Variants in MACROD2 observed in about 807,000 individuals in gnomAD.
The protein encoded by MACROD2 is ADP-ribose glycohydrolase MACROD2.
In MACROD2, 36 loss-of-function variants were observed where a neutral mutation model predicts 70.4. The ratio of observed to expected loss-of-function variants is 0.51; its 90% CI spans 0.39 to 0.68. The LOEUF is 0.68. Ranked by LOEUF, MACROD2 falls within the 30% of genes least tolerant of loss-of-function variation. The probability of loss-of-function intolerance (pLI) is 0.00; values close to 1 mark genes in which losing one functional copy is unlikely to be tolerated. For synonymous variants in MACROD2, 172 were observed against 178.8 expected, an observed-to-expected ratio of 0.96 and a Z score of 0.30; for missense variants, 496 against 538.4, an observed-to-expected ratio of 0.92 and a Z score of 0.78.
intron 3 of MACROD2, among the ~76,000 whole-genome samples, chr20:14,345,509 AG>A (rs1254124029): frequency 6.6e-6 from 1 of 151,544 alleles, no homozygotes; most frequent in African/African-American, 2.4e-5. Context: ...TTTTATTTGA[AG>A]GTTTTTTTTT....
Position 15,706,558 on chromosome 20 carries a change from AAG to A in MACROD2, c.646-156182_646-156181del, listed in dbSNP as rs1407677913. Among the ~76,000 whole-genome samples, 4 of 152,344 alleles carry A rather than the reference AAG, an allele frequency of 2.6e-5. No homozygotes were observed. The East Asian group carries it at 5.8e-4, about 22-fold the overall frequency. ...GAAAAATGAAGGAACATAAAATAAA[AAG>A]AGAGTAATTGCATTGGTTCTGATTC... On this transcript the variant is annotated intron_variant, in intron 8 of 17. Coordinates refer to ENST00000684519, the MANE Select transcript of MACROD2 (RefSeq NM_001351661.2).
At chr20:14,247,020 A>G (rs140828348) in intron 3 of MACROD2, among the ~76,000 whole-genome samples, 7 of 152,298 alleles carry the variant, frequency 4.6e-5, no homozygotes, top group Non-Finnish European at 1.0e-4. Context: ...AAAGCATACA[A>G]AATGTCTACA....
Position 15,138,049 on chromosome 20 carries a change from CAGTT to C in MACROD2, c.419-91887_419-91884del, listed in dbSNP as rs908820313. Among the ~76,000 whole-genome samples, 7 of 152,196 alleles carry C rather than the reference CAGTT, an allele frequency of 4.6e-5. No individual in the cohort carries two copies. In the East Asian group the frequency reaches 1.4e-3, roughly 29 times the overall value. ...ATCAATATTGACTGACAATATCAAT[CAGTT>C]AGTAAAATAATTGAGTAACCCCTGT... On this transcript the variant is annotated intron_variant, in intron 5 of 17. Transcript: ENST00000684519.
chr20:14,915,455 G>A (rs2074080137), intron 5 of MACROD2, among the ~76,000 whole-genome samples: 1 of 152,198 alleles, frequency 6.6e-6, no homozygotes, highest in African/African-American at 2.4e-5. Flanking sequence ...TTAAGCTCAA[G>A]CTCAGCCCTT....
chr20:14,143,611 C>T (rs1039786944), intron 3 of MACROD2, among the ~76,000 whole-genome samples: 4 of 151,820 alleles, frequency 2.6e-5, no homozygotes, highest in Non-Finnish European at 5.9e-5. Flanking sequence ...ATTGTAAAGA[C>T]ATTTCTGACC....
intron 5 of MACROD2, among the ~76,000 whole-genome samples, chr20:14,868,188 C>CTTTTTTTTTTTTTTTTTTT (rs202237692): frequency 6.9e-6 from 1 of 144,028 alleles, no homozygotes. Context: ...TTTTTTCTTT[C>CTTTTTTTTTTTTTTTTTTT]TTTCTTTTTT....
intron 4 of MACROD2, among the ~76,000 whole-genome samples, chr20:14,583,480 ATCT>A (rs1355376726): frequency 6.6e-6 from 1 of 152,128 alleles, no homozygotes; most frequent in Non-Finnish European, 1.5e-5. Context: ...TATTGGCCTA[ATCT>A]TCTTCCCTGT....
At chr20:14,325,446 G>A (rs1434272845) in intron 3 of MACROD2, 6 of 1,153,834 alleles carry the variant, frequency 5.2e-6, no homozygotes, top group Non-Finnish European at 7.4e-6. Context: ...ACAGTACATT[G>A]CTTTTTTTCA....
intron 3 of MACROD2, among the ~76,000 whole-genome samples, chr20:14,478,860 G>A (rs746170251): frequency 1.3e-4 from 20 of 152,210 alleles, no homozygotes; most frequent in Non-Finnish European, 2.1e-4. Context: ...TGGGCCTTGT[G>A]TATCTGGTGC....
intron 6 of MACROD2, among the ~76,000 whole-genome samples, chr20:15,324,608 C>T (rs185916661): frequency 2.6e-5 from 4 of 152,276 alleles, no homozygotes; most frequent in East Asian, 3.9e-4. Context: ...ATTGAAGTAA[C>T]GTTCTCCTTA....
chr20:14,721,915 G>T (rs2071474733), intron 5 of MACROD2, among the ~76,000 whole-genome samples: 5 of 152,100 alleles, frequency 3.3e-5, no homozygotes, highest in Admixed American at 3.3e-4. Context: ...GAACCGTGTG[G>T]TAGAAATTAT....
intron 5 of MACROD2, among the ~76,000 whole-genome samples, chr20:14,769,036 G>A (rs2123766397): frequency 6.6e-6 from 1 of 152,110 alleles, no homozygotes; most frequent in Non-Finnish European, 1.5e-5. Flanking sequence ...TGAGGCCTTA[G>A]GCCTCATTTA....
intron 8 of MACROD2, among the ~76,000 whole-genome samples, chr20:15,665,331 G>A (rs1345895422): frequency 2.6e-5 from 4 of 152,010 alleles, no homozygotes; most frequent in East Asian, 1.9e-4. Context: ...TATTGTAGTC[G>A]GTACCTTGGT....
chr20:14,070,452 GA>G (rs1403755348), intron 2 of MACROD2, among the ~76,000 whole-genome samples: 2 of 152,064 alleles, frequency 1.3e-5, no homozygotes, highest in African/African-American at 4.8e-5. Context: ...CTAGTTCCCT[GA>G]TTGTATATCC....
intron 15 of MACROD2, among the ~76,000 whole-genome samples, chr20:16,003,849 T>C (rs2066749458): frequency 1.3e-5 from 2 of 152,180 alleles, no homozygotes; most frequent in African/African-American, 4.8e-5. Context: ...TTTTGTATTT[T>C]TAGCAGAGAC....
chr20:15,045,719 GTTTTTTTTTTTTTTT>G (rs71335981), intron 5 of MACROD2, among the ~76,000 whole-genome samples: 1 of 73,382 alleles, frequency 1.4e-5, no homozygotes, highest in Non-Finnish European at 2.5e-5. Context: ...CCAGACCAGG[GTTTTTTTTTTTTTTT>G]TTTTTTTTTT....
At chr20:14,658,740 A>C (rs1297651279) in intron 4 of MACROD2, among the ~76,000 whole-genome samples, 1 of 152,096 alleles carries the variant, frequency 6.6e-6, no homozygotes, top group Non-Finnish European at 1.5e-5. Flanking sequence ...CAGCCTCCTC[A>C]GTAGCTGGGA....
chr20:14,059,214 C>T (rs988859360), intron 2 of MACROD2, among the ~76,000 whole-genome samples: 2 of 152,176 alleles, frequency 1.3e-5, no homozygotes, highest in African/African-American at 2.4e-5. Flanking sequence ...TGATGTAGTT[C>T]GTGATTCAGA....
At chr20:15,827,401 T>C (rs962266334) in intron 8 of MACROD2, among the ~76,000 whole-genome samples, 8 of 152,256 alleles carry the variant, frequency 5.3e-5, no homozygotes, top group Middle Eastern at 3.4e-3. Context: ...AAACAAAATA[T>C]TCTGTACAAG....
Sources: gnomAD v4.1 joint callset for allele counts (sites outside exome capture counted in the v4.1 genomes callset) on GRCh38, gnomAD v4.1.1 for gene constraint, MANE v1.5 for transcripts, NCBI Gene and HGNC (gene_info 2026-07-23, HGNC 2026-07-21) for gene names.